The following ANK3 variants were observed in gnomAD, a reference collection of about 807,000 sequenced individuals.
ANK3 encodes ankyrin 3, also known as ankyrin-3.
Under a neutral mutation model 370.9 loss-of-function variants are expected in ANK3, and 57 were observed. That is an observed-to-expected ratio of 0.15 (90% CI 0.12 to 0.19). The LOEUF (loss-of-function observed/expected upper bound fraction) is 0.19, where lower values mean the gene tolerates loss of function less well. Ranked by LOEUF, ANK3 falls within the 10% of genes least tolerant of loss-of-function variation. The probability of loss-of-function intolerance (pLI) is 1.00; values close to 1 mark genes in which losing one functional copy is unlikely to be tolerated. For synonymous variants in ANK3, 1,929 were observed against 1,946.3 expected (o/e 0.99, Z 0.23); for missense variants, 4,439 against 5,302.1 (o/e 0.84, Z 5.06).
intron 1 of ANK3, among the ~76,000 whole-genome samples, chr10:60,294,554 T>C (rs1431293151): frequency 6.6e-6 from 1 of 152,180 alleles, no homozygotes; most frequent in African/African-American, 2.4e-5. Context: ...AAAACAAATA[T>C]ACCAAAATGC....
At chr10:60,412,269 T>C (rs929932983) in intron 2 of ANK3, among the ~76,000 whole-genome samples, 3 of 152,162 alleles carry the variant, frequency 2.0e-5, no homozygotes, top group Non-Finnish European at 2.9e-5. Context: ...TAGCGTAGAT[T>C]GCCCTCCCAA....
At chr10:60,236,345 T>C (rs2097333479) in intron 7 of ANK3, among the ~76,000 whole-genome samples, 1 of 150,316 alleles carries the variant, frequency 6.7e-6, no homozygotes, top group Non-Finnish European at 1.5e-5. Context: ...CATGTTCAAA[T>C]TCTCCCATTA....
At chr10:60,419,408 C>T (rs1009060664) in intron 2 of ANK3, among the ~76,000 whole-genome samples, 3 of 152,096 alleles carry the variant, frequency 2.0e-5, no homozygotes, top group African/African-American at 7.2e-5. Context: ...GTACCACAGG[C>T]TCTAAGTTAG....
intron 8 of ANK3, among the ~76,000 whole-genome samples, chr10:60,222,128 T>A (rs2097070268): frequency 6.6e-6 from 1 of 152,190 alleles, no homozygotes; most frequent in Admixed American, 6.5e-5. Flanking sequence ...TTCTACAGAT[T>A]CAGTCTAGCT....
chr10:60,061,503 T>C (rs1443821357), intron 40 of ANK3, among the ~76,000 whole-genome samples: 6 of 152,176 alleles, frequency 3.9e-5, no homozygotes, highest in Non-Finnish European at 7.3e-5. Context: ...TAGAAGAATG[T>C]ATAAACTATA....
chr10:60,685,043 A>C, intron 1 of ANK3: 1 of 1,450,902 alleles, frequency 6.9e-7, no homozygotes, highest in Non-Finnish European at 9.5e-7. Flanking sequence ...GAAGGACTTG[A>C]GAAACTGCAT....
chr10:60,070,947 C>A lies in ANK3; in HGVS notation c.9934G>T (p.Ala3312Ser), dbSNP rs1257096025. ...TCATCGCTTGAATCACTGACGTCTGCCCCGGGAGGAACTGGTGAAGGTGGC... is the reference window on the plus strand; with the variant it reads ...TCATCGCTTGAATCACTGACGTCTGACCCGGGAGGAACTGGTGAAGGTGGC... ...VQPPSPVPPG[A>S]DVSDSSDDES... The change falls in exon 37 of 44, where the codon GCA (alanine) becomes TCA (serine). Residue 3312 changes from alanine (A) to serine (S), a missense_variant. Coordinates refer to ENST00000280772, the MANE Select transcript of ANK3 (RefSeq NM_020987.5). This position sits in a 1 kb window ranked among gnomAD's most constrained non-coding sequence, Gnocchi z 5.7. The A allele has an allele frequency of 6.2e-7, 1 of 1,614,072 alleles. No individual in the cohort carries two copies. The highest frequency in any genetic ancestry group is 1.7e-5 in the Admixed American group (1 of 60,012).
chr10:60,418,654 T>G (rs968497708), intron 2 of ANK3, among the ~76,000 whole-genome samples: 1 of 151,410 alleles, frequency 6.6e-6, no homozygotes, highest in Non-Finnish European at 1.5e-5. Context: ...AATTATCAGA[T>G]AAACAATATT....
At chr10:60,725,379 C>G (rs1412173352) in intron 1 of ANK3, among the ~76,000 whole-genome samples, 4 of 152,166 alleles carry the variant, frequency 2.6e-5, no homozygotes, top group African/African-American at 7.2e-5. Context: ...TTGGGGACCT[C>G]TGGTACACAT....
chr10:60,316,948 G>T (rs879518981), intron 1 of ANK3, among the ~76,000 whole-genome samples: 1 of 151,932 alleles, frequency 6.6e-6, no homozygotes, highest in East Asian at 1.9e-4. Context: ...GGGTTTCACC[G>T]TGTTAGCCAG....
intron 1 of ANK3, among the ~76,000 whole-genome samples, chr10:60,313,192 C>T (rs1218400501): frequency 1.3e-5 from 2 of 152,206 alleles, no homozygotes; most frequent in Non-Finnish European, 2.9e-5. Flanking sequence ...CTGCGGATAA[C>T]ATGAGCTGCA....
At chr10:60,291,979 T>C (rs913639443) in intron 1 of ANK3, among the ~76,000 whole-genome samples, 8 of 152,166 alleles carry the variant, frequency 5.3e-5, no homozygotes, top group African/African-American at 1.9e-4. Flanking sequence ...CTCCCAAGTG[T>C]TGGGATTACA....
chr10:60,695,255 C>T (rs1258872139), intron 1 of ANK3, among the ~76,000 whole-genome samples: 3 of 151,858 alleles, frequency 2.0e-5, no homozygotes, highest in African/African-American at 2.4e-5. Flanking sequence ...ATAAAGCAAG[C>T]CCTGAGTGAC....
Position 60,203,062 on chromosome 10 carries a change from C to T in ANK3, c.1332G>A (p.Gly444=). The T allele has an allele frequency of 6.2e-7, 1 of 1,613,440 alleles. No homozygotes were observed. Among genetic ancestry groups the T allele is most frequent in the African/African-American group, 1.3e-5 (1 of 74,966 alleles). Residue 444 remains glycine, a synonymous_variant, in exon 12 of 44, where the codon GGG becomes GGA. Transcript: ENST00000280772. ...TTAGTTGTGATACAATATTTACATGCCCCATGAAGGCAGCAACATGGATTG... is the reference window on the plus strand; with the variant it reads ...TTAGTTGTGATACAATATTTACATGTCCCATGAAGGCAGCAACATGGATTG... ...LTPIHVAAFM[G]HVNIVSQLMH...
intron 1 of ANK3, among the ~76,000 whole-genome samples, chr10:60,731,043 C>T (rs6479728): frequency 0.68 from 103,327 of 151,972 alleles, 35,177 homozygotes; most frequent in South Asian, 0.82. Flanking sequence ...AATAACACAT[C>T]CGACAAAAAT....
Position 60,074,755 on chromosome 10 carries a change from C to T in ANK3, c.6126G>A (p.Gly2042=), listed in dbSNP as rs1055359838. Residue 2042 remains glycine, a synonymous_variant, in exon 37 of 44, where the codon GGG becomes GGA. Coordinates refer to ENST00000280772, the MANE Select transcript of ANK3 (RefSeq NM_020987.5). The stretch of plus-strand genomic sequence containing the variant: ...ATTTTAAGTTTGTCAGTGAACTACT[C>T]CCAATATCATTTGTTAGGTAATCAA... ...KVIDYLTNDI[G]SSSLTNLKYK... is the part of the protein sequence containing the mutation. The T allele has an allele frequency of 5.6e-6, 9 of 1,613,986 alleles. No individual in the cohort carries two copies. In the African/African-American group the frequency reaches 6.7e-5, roughly 12 times the overall value.
At chr10:60,636,223 TTC>T (rs1371590713) in intron 1 of ANK3, among the ~76,000 whole-genome samples, 1 of 152,208 alleles carries the variant, frequency 6.6e-6, no homozygotes, top group Non-Finnish European at 1.5e-5. Flanking sequence ...GAAATTTAGC[TTC>T]TCTTTTTCTA....
chr10:60,480,739 G>A (rs1289256577), intron 2 of ANK3, among the ~76,000 whole-genome samples: 4 of 152,110 alleles, frequency 2.6e-5, no homozygotes, highest in Admixed American at 2.6e-4. Context: ...TTTTATCTGC[G>A]AACTACAGAT....
At chr10:60,216,583 G>A (rs2096940723) in intron 8 of ANK3, among the ~76,000 whole-genome samples, 1 of 152,174 alleles carries the variant, frequency 6.6e-6, no homozygotes, top group African/African-American at 2.4e-5. Context: ...ATTTGCTTAA[G>A]TTGAACCAGC....
Sources: gnomAD v4.1 joint callset for allele counts (sites outside exome capture counted in the v4.1 genomes callset) on GRCh38, gnomAD v4.1.1 for gene constraint, Gnocchi (gnomAD v3.1) non-coding constraint, MANE v1.5 for transcripts, NCBI Gene and HGNC (gene_info 2026-07-23, HGNC 2026-07-21) for gene names.